GALNT13: variants seen among roughly 807,000 people sequenced by gnomAD.
GALNT13 encodes UDP-GalNAc:polypeptide N-acetylgalactosaminyltransferase 13.
In GALNT13, 28 loss-of-function variants were observed where a neutral mutation model predicts 64.2. That is an observed-to-expected ratio of 0.44 (90% CI 0.32 to 0.60). The LOEUF (loss-of-function observed/expected upper bound fraction) is 0.60. Ranked by LOEUF, GALNT13 falls within the 20% of genes least tolerant of loss-of-function variation. GALNT13 has a pLI of 0.05. For synonymous variants in GALNT13, 214 were observed against 224.6 expected, an observed-to-expected ratio of 0.95 and a Z score of 0.42; for missense variants, 577 against 669.8, an observed-to-expected ratio of 0.86 and a Z score of 1.53.
chr2:154,288,727 TGCTG>T (rs1692423057), intron 8 of GALNT13, among the ~76,000 whole-genome samples: 1 of 152,204 alleles, frequency 6.6e-6, no homozygotes, highest in Non-Finnish European at 1.5e-5. Flanking sequence ...ATCCAGGTCT[TGCTG>T]ATGCAAGAGG....
At chr2:153,663,957 G>A in the GALNT13 span, among the ~76,000 whole-genome samples, 4 of 152,136 alleles carry the variant, frequency 2.6e-5, no homozygotes, top group Admixed American at 2.0e-4. Flanking sequence ...TTCAAAAGGG[G>A]AGGGGGTACG....
the GALNT13 span, among the ~76,000 whole-genome samples, chr2:153,268,954 C>A: frequency 6.6e-6 from 1 of 152,176 alleles, no homozygotes; most frequent in Non-Finnish European, 1.5e-5. Flanking sequence ...CACATGGAAT[C>A]ATTTATTCCT....
In GALNT13 at chr2:154,058,483, A is replaced by G. The variant is rs151167941; in HGVS notation, c.143-81854A>G. On this transcript the variant is annotated intron_variant, in intron 3 of 12. Transcript: ENST00000392825. ...GCAACGACTTGTGGAACACAGGAAA[A>G]GTGGGAAAGAGATAGGGAATAGGAA... 7.0e-3 allele frequency among the ~76,000 whole-genome samples: 1,065 copies of G among 152,356 alleles called. 11 individuals carry two copies. The highest frequency in any genetic ancestry group is 0.024 in the African/African-American group (982 of 41,586).
the GALNT13 span, among the ~76,000 whole-genome samples, chr2:153,183,071 T>A: frequency 6.2e-4 from 95 of 152,322 alleles, no homozygotes; most frequent in African/African-American, 2.1e-3. Flanking sequence ...CCACAATGGT[T>A]GAATTAATTT....
At chr2:153,335,941 C>T in the GALNT13 span, among the ~76,000 whole-genome samples, 28 of 152,290 alleles carry the variant, frequency 1.8e-4, no homozygotes, top group East Asian at 5.4e-3. Flanking sequence ...CCCAGCTGTG[C>T]CAGCTGTGGC....
the GALNT13 span, among the ~76,000 whole-genome samples, chr2:153,134,817 A>T: frequency 2.0e-5 from 3 of 152,068 alleles, no homozygotes; most frequent in Admixed American, 1.3e-4. Flanking sequence ...AACAAATGTG[A>T]TCAGCTCCTC....
chr2:153,896,985 CCT>C (rs990378168), intron 1 of GALNT13, among the ~76,000 whole-genome samples: 5 of 152,060 alleles, frequency 3.3e-5, no homozygotes, highest in African/African-American at 1.2e-4. Flanking sequence ...TACAATTTTG[CCT>C]CTTTTGCTTC....
intron 4 of GALNT13, among the ~76,000 whole-genome samples, chr2:154,214,614 G>A (rs760164048): frequency 1.4e-4 from 21 of 152,086 alleles, no homozygotes; most frequent in Non-Finnish European, 2.5e-4. Context: ...GAGTTCTCAT[G>A]AGATCTGATG....
chr2:154,291,674 C>T (rs1005616933), intron 8 of GALNT13, among the ~76,000 whole-genome samples: 11 of 152,186 alleles, frequency 7.2e-5, no homozygotes, highest in Admixed American at 6.5e-4. Context: ...CCTGCCCGCA[C>T]CTCTCCCTCC....
chr2:153,259,744 A>C, the GALNT13 span, among the ~76,000 whole-genome samples: 1 of 152,164 alleles, frequency 6.6e-6, no homozygotes, highest in Non-Finnish European at 1.5e-5. Context: ...TGGAAGTGTG[A>C]GTCCATTAAA....
At chr2:154,332,894 T>C (rs1695243694) in intron 9 of GALNT13, among the ~76,000 whole-genome samples, 1 of 152,164 alleles carries the variant, frequency 6.6e-6, no homozygotes, top group Non-Finnish European at 1.5e-5. Context: ...ATCTGAATGT[T>C]TTGTCGTAGA....
chr2:153,966,061 T>G (rs942404339), intron 3 of GALNT13, among the ~76,000 whole-genome samples: 1 of 152,036 alleles, frequency 6.6e-6, no homozygotes, highest in Non-Finnish European at 1.5e-5. Context: ...CATGTTGTAT[T>G]GCCCATTAGT....
At chr2:154,102,312 A>G (rs1702390397) in intron 3 of GALNT13, among the ~76,000 whole-genome samples, 1 of 152,166 alleles carries the variant, frequency 6.6e-6, no homozygotes, top group Non-Finnish European at 1.5e-5. Flanking sequence ...TCAATCCATT[A>G]TAGCAACTCA....
chr2:153,874,084 C>G (rs1252022752), intron 1 of GALNT13, among the ~76,000 whole-genome samples: 1 of 147,130 alleles, frequency 6.8e-6, no homozygotes, highest in Non-Finnish European at 1.5e-5. Context: ...TCCCCCCGCA[C>G]CCCCCTCCCG....
the GALNT13 span, among the ~76,000 whole-genome samples, chr2:153,489,980 TACACACACACACACACAC>T: frequency 6.8e-6 from 1 of 147,872 alleles, no homozygotes; most frequent in Non-Finnish European, 1.5e-5. Context: ...GGCCCTGTTT[TACACACACACACACACAC>T]ACACACACAC....
intron 8 of GALNT13, among the ~76,000 whole-genome samples, chr2:154,269,883 C>CATATATATATTTATATATATGTGTATAT (rs1691230462): frequency 7.9e-5 from 4 of 50,624 alleles, no homozygotes; most frequent in African/African-American, 2.3e-4. Context: ...TAAAGATTGT[C>CATATATATATTTATATATATGTGTATAT]ATATATATAT....
At chr2:154,372,832 AT>A (rs1697775925) in intron 9 of GALNT13, among the ~76,000 whole-genome samples, 2 of 152,072 alleles carry the variant, frequency 1.3e-5, no homozygotes, top group African/African-American at 4.8e-5. Context: ...TTGAAAAAAA[AT>A]CATTCCTTTT....
At chr2:153,794,754 C>T in the GALNT13 span, among the ~76,000 whole-genome samples, 2 of 152,114 alleles carry the variant, frequency 1.3e-5, no homozygotes, top group Admixed American at 6.5e-5. Flanking sequence ...CTCCTGACAT[C>T]GTGATCCACC....
intron 3 of GALNT13, among the ~76,000 whole-genome samples, chr2:154,028,021 G>A (rs1459207866): frequency 1.3e-5 from 2 of 152,056 alleles, no homozygotes; most frequent in African/African-American, 2.4e-5. Flanking sequence ...TCAAAAACAA[G>A]CCTTGATGTG....
Sources: allele counts gnomAD v4.1 joint callset (sites outside exome capture counted in the v4.1 genomes callset), GRCh38; gene constraint gnomAD v4.1.1; transcripts MANE v1.5; gene names NCBI Gene and HGNC (gene_info 2026-07-23, HGNC 2026-07-21).